The following COL23A1 variants were observed in gnomAD, a reference collection of about 807,000 sequenced individuals.
COL23A1 encodes collagen type XXIII alpha 1 chain, also known as collagen alpha-1(XXIII) chain.
A neutral mutation model predicts 99.3 loss-of-function variants in COL23A1; 97 were observed. The observed-to-expected ratio is 0.98, with a 90% confidence interval of 0.83 to 1.16. The LOEUF is 1.16. Among genes scored for constraint, COL23A1 ranks in the 50% most tolerant of loss-of-function variants. The probability of loss-of-function intolerance (pLI) is 0.00; values close to 1 mark genes in which losing one functional copy is unlikely to be tolerated. For synonymous variants in COL23A1, 320 were observed against 308.2 expected (o/e 1.04, Z -0.40); for missense variants, 762 against 757.4 (o/e 1.01, Z -0.07).
At chr5:178,382,630 C>T (rs1158304913) in intron 2 of COL23A1, among the ~76,000 whole-genome samples, 1 of 152,096 alleles carries the variant, frequency 6.6e-6, no homozygotes, top group Non-Finnish European at 1.5e-5. Flanking sequence ...TGTCCCCTCC[C>T]GCAAAGTCTC....
intron 2 of COL23A1, among the ~76,000 whole-genome samples, chr5:178,419,337 A>G (rs918529265): frequency 2.6e-5 from 4 of 152,204 alleles, no homozygotes; most frequent in African/African-American, 9.6e-5. Context: ...GGCTGAGGAC[A>G]CAGGAACAGC....
intron 2 of COL23A1, among the ~76,000 whole-genome samples, chr5:178,319,848 G>A (rs572416209): frequency 2.6e-5 from 4 of 152,220 alleles, no homozygotes; most frequent in East Asian, 1.9e-4. Flanking sequence ...CTGGAACTGC[G>A]GGTCACTCCG....
At chr5:178,452,870 A>C (rs1017365296) in intron 2 of COL23A1, among the ~76,000 whole-genome samples, 1 of 152,232 alleles carries the variant, frequency 6.6e-6, no homozygotes, top group Non-Finnish European at 1.5e-5. Context: ...TGTCCGTCAA[A>C]ATCAGAACTG....
intron 2 of COL23A1, among the ~76,000 whole-genome samples, chr5:178,342,538 G>A (rs1386798988): frequency 2.6e-5 from 4 of 152,172 alleles, no homozygotes; most frequent in Non-Finnish European, 5.9e-5. Context: ...TCCCTGGGTT[G>A]AGTGATGCCC....
At chr5:178,523,458 AAG>A (rs1760133809) in intron 2 of COL23A1, 1 of 150,132 alleles carries the variant, frequency 6.7e-6, no homozygotes, top group Admixed American at 6.7e-5. Context: ...AAGAAAAAGA[AAG>A]AGAAACCTCT....
At chr5:178,381,479 C>T (rs887026026) in intron 2 of COL23A1, among the ~76,000 whole-genome samples, 10 of 152,162 alleles carry the variant, frequency 6.6e-5, no homozygotes, top group African/African-American at 2.2e-4. Flanking sequence ...CTGCCTGTCG[C>T]TGGTCTGTGG....
intron 11 of COL23A1, among the ~76,000 whole-genome samples, chr5:178,261,048 G>T: frequency 6.6e-6 from 1 of 152,152 alleles, no homozygotes; most frequent in East Asian, 1.9e-4. Context: ...TGTCCACAGC[G>T]GGGGAGGGGG....
intron 2 of COL23A1, among the ~76,000 whole-genome samples, chr5:178,557,057 G>A (rs527646885): frequency 2.0e-5 from 3 of 152,238 alleles, no homozygotes; most frequent in Non-Finnish European, 4.4e-5. Context: ...CTAGGGGCAA[G>A]AAGTCCAAGG....
At chr5:178,324,533 G>T (rs990217415) in intron 2 of COL23A1, among the ~76,000 whole-genome samples, 1 of 152,112 alleles carries the variant, frequency 6.6e-6, no homozygotes, top group Non-Finnish European at 1.5e-5. Context: ...GCCCAGTCCT[G>T]TTCTGAGCCC....
At chr5:178,399,552 A>T (rs1329444561) in intron 2 of COL23A1, among the ~76,000 whole-genome samples, 1 of 152,220 alleles carries the variant, frequency 6.6e-6, no homozygotes, top group East Asian at 1.9e-4. Flanking sequence ...TGTCAACACA[A>T]GGCCCACGCC....
At chr5:178,370,254 G>A (rs923531196) in intron 2 of COL23A1, among the ~76,000 whole-genome samples, 5 of 152,348 alleles carry the variant, frequency 3.3e-5, no homozygotes, top group East Asian at 1.9e-4. Flanking sequence ...GGTCCTGGGC[G>A]TGCTTCTTCA....
At chr5:178,542,922 G>A (rs188127943) in intron 2 of COL23A1, among the ~76,000 whole-genome samples, 22 of 152,348 alleles carry the variant, frequency 1.4e-4, no homozygotes, top group African/African-American at 5.1e-4. Context: ...ATTAAAATGT[G>A]TATCATATGT....
chr5:178,448,489 G>C (rs1355230687), intron 2 of COL23A1, among the ~76,000 whole-genome samples: 1 of 152,188 alleles, frequency 6.6e-6, no homozygotes, highest in Admixed American at 6.5e-5. Flanking sequence ...TGGGTCATTT[G>C]TAAGGAACAG....
intron 2 of COL23A1, among the ~76,000 whole-genome samples, chr5:178,473,884 GA>G (rs1756895247): frequency 6.6e-6 from 1 of 152,172 alleles, no homozygotes; most frequent in African/African-American, 2.4e-5. Flanking sequence ...TGAACAACCA[GA>G]CCAGATTATG....
chr5:178,425,999 G>A (rs1387373372), intron 2 of COL23A1, among the ~76,000 whole-genome samples: 2 of 152,138 alleles, frequency 1.3e-5, no homozygotes, highest in Non-Finnish European at 2.9e-5. Context: ...CCTCTGAGGT[G>A]GGAACTCCCT....
chr5:178,432,622 G>A (rs982952790), intron 2 of COL23A1, among the ~76,000 whole-genome samples: 3 of 152,190 alleles, frequency 2.0e-5, no homozygotes, highest in East Asian at 1.9e-4. Context: ...CAGACTGAGC[G>A]AGGCCTCAGT....
chr5:178,400,306 G>A (rs1258648325), intron 2 of COL23A1, among the ~76,000 whole-genome samples: 1 of 141,718 alleles, frequency 7.1e-6, no homozygotes, highest in African/African-American at 2.7e-5. Flanking sequence ...GGCGGAGCTT[G>A]CAGTGAGCCG....
At chr5:178,561,876 C>A (rs1562092204) in intron 1 of COL23A1, 4 of 282,798 alleles carry the variant, frequency 1.4e-5, no homozygotes, top group Non-Finnish European at 2.8e-5. Context: ...CTGACTGGAA[C>A]AGCCCAGGAC....
intron 9 of COL23A1, among the ~76,000 whole-genome samples, chr5:178,262,714 GCA>G (rs1028230859): frequency 1.2e-4 from 18 of 152,190 alleles, no homozygotes; most frequent in African/African-American, 4.3e-4. Flanking sequence ...ATAAAGGTCT[GCA>G]GAGACAGTGT....
Sources: gnomAD v4.1 joint callset for allele counts (sites outside exome capture counted in the v4.1 genomes callset) on GRCh38, gnomAD v4.1.1 for gene constraint, MANE v1.5 for transcripts, NCBI Gene and HGNC (gene_info 2026-07-23, HGNC 2026-07-21) for gene names.